The following CDC73 variants were observed in gnomAD, a reference collection of about 807,000 sequenced individuals.
CDC73 encodes parafibromin.
A neutral mutation model predicts 83.7 loss-of-function variants in CDC73; 21 were observed. The ratio of observed to expected loss-of-function variants is 0.25; its 90% CI spans 0.18 to 0.36. The LOEUF (loss-of-function observed/expected upper bound fraction) is 0.36. Among genes scored for constraint, CDC73 ranks in the 10% least tolerant of loss-of-function variants. The pLI, the probability that CDC73 is intolerant of heterozygous loss-of-function variation, is 1.00. For missense variants in CDC73, 342 were observed against 653.3 expected, an observed-to-expected ratio of 0.52 and a Z score of 5.19; for synonymous variants, 224 against 212.9, an observed-to-expected ratio of 1.05 and a Z score of -0.45.
At chr1:193,191,480 C>T (rs565037668) in intron 10 of CDC73, among the ~76,000 whole-genome samples, 3 of 152,256 alleles carry the variant, frequency 2.0e-5, no homozygotes, top group Admixed American at 2.0e-4. Flanking sequence ...TTCCACCTCC[C>T]AGTTTCAAGT....
At position 193,180,774 on chromosome 1, in the gene CDC73, G is replaced by A. The variant is rs2103158694; in HGVS notation, c.973-23021G>A. On this transcript the variant is annotated intron_variant, in intron 10 of 16. Transcript: ENST00000367435. ...GCAGATCTGGCTTCAGTAACTTATT[G>A]ATTAAATATTCAGTGTTGACAAACA... is the stretch of plus-strand genomic sequence containing the variant. 2.5e-6 allele frequency: 4 copies of A among 1,614,018 alleles called. No homozygotes were observed. The East Asian group carries it at 6.7e-5, about 27-fold the overall frequency.
At chr1:193,213,301 T>A (rs1032255757) in intron 13 of CDC73, among the ~76,000 whole-genome samples, 21 of 152,290 alleles carry the variant, frequency 1.4e-4, no homozygotes, top group African/African-American at 4.6e-4. Flanking sequence ...ATGAGCCATG[T>A]TTAAGTGATT....
Position 193,197,755 on chromosome 1 carries a change from G to A in CDC73, c.973-6040G>A, listed in dbSNP as rs374706565. ...AGCCCGGCCAACATGGTGAAACCCC[G>A]TCTCTACTAAAAATAGAAAAATTAG... is the stretch of plus-strand genomic sequence containing the variant. On this transcript the variant is annotated intron_variant, in intron 10 of 16. Coordinates refer to ENST00000367435, the MANE Select transcript of CDC73 (RefSeq NM_024529.5). Among the ~76,000 whole-genome samples, 10 of 151,754 alleles carry A rather than the reference G, an allele frequency of 6.6e-5. 1 individual carries two copies. The highest frequency in any genetic ancestry group is 1.9e-4 in the African/African-American group (8 of 41,410).
intron 10 of CDC73, among the ~76,000 whole-genome samples, chr1:193,154,366 C>G (rs1233679894): frequency 6.6e-6 from 1 of 152,142 alleles, no homozygotes; most frequent in African/African-American, 2.4e-5. Context: ...TACAGTGATG[C>G]TTTGTACAGA....
At chr1:193,180,943 T>C in intron 10 of CDC73, 1 of 1,613,580 alleles carries the variant, frequency 6.2e-7, no homozygotes, top group South Asian at 1.1e-5. Flanking sequence ...TCTGCTTTCT[T>C]CCAGTATTGC....
chr1:193,169,354 G>T (rs1416669383), intron 10 of CDC73, among the ~76,000 whole-genome samples: 1 of 152,188 alleles, frequency 6.6e-6, no homozygotes, highest in Admixed American at 6.5e-5. Context: ...AGACCAGCCT[G>T]GCCAACATGG....
At chr1:193,172,652 C>G (rs548122037) in intron 10 of CDC73, among the ~76,000 whole-genome samples, 4 of 152,232 alleles carry the variant, frequency 2.6e-5, no homozygotes, top group Non-Finnish European at 5.9e-5. Context: ...CATCACTCTT[C>G]CATTCAGACG....
At chr1:193,152,253 A>G (rs2103133505) in intron 9 of CDC73, 127 bp from the exon 10 acceptor site, 3 of 659,526 alleles carry the variant, frequency 4.5e-6, no homozygotes, top group African/African-American at 1.8e-5. Context: ...AATTTTACAT[A>G]GTAGATTCAA....
intron 1 of CDC73, among the ~76,000 whole-genome samples, chr1:193,124,177 C>A (rs1363345265): frequency 2.0e-5 from 3 of 152,338 alleles, no homozygotes; most frequent in Non-Finnish European, 2.9e-5. Flanking sequence ...AGCAGTTTAT[C>A]ACACCAAGAA....
intron 10 of CDC73, among the ~76,000 whole-genome samples, chr1:193,167,205 T>C (rs1389347595): frequency 6.6e-6 from 1 of 152,204 alleles, no homozygotes; most frequent in Non-Finnish European, 1.5e-5. Flanking sequence ...CACACATAGT[T>C]TTAACTACCA....
chr1:193,167,871 G>GT (rs1200558926), intron 10 of CDC73, among the ~76,000 whole-genome samples: 3 of 151,638 alleles, frequency 2.0e-5, no homozygotes, highest in African/African-American at 7.3e-5. Context: ...TTTTTTTGTT[G>GT]TTTTTTTGAG....
At chr1:193,127,111 A>C (rs1675590015) in intron 2 of CDC73, among the ~76,000 whole-genome samples, 1 of 152,072 alleles carries the variant, frequency 6.6e-6, no homozygotes, top group South Asian at 2.1e-4. Flanking sequence ...AAAACAAAAA[A>C]TAAAAAAAAT....
chr1:193,191,161 G>A (rs924153010), intron 10 of CDC73, among the ~76,000 whole-genome samples: 15 of 152,160 alleles, frequency 9.9e-5, no homozygotes, highest in African/African-American at 3.4e-4. Context: ...TGTACAGTGA[G>A]GGAAGCTTGT....
chr1:193,236,536 T>C (rs1024664826), intron 15 of CDC73, among the ~76,000 whole-genome samples, 180 bp downstream of exon 15: 1 of 152,242 alleles, frequency 6.6e-6, no homozygotes, highest in African/African-American at 2.4e-5. Flanking sequence ...TAATACTTTC[T>C]GTGTAGGTAT....
intron 10 of CDC73, chr1:193,181,478 C>T (rs1676715375): frequency 6.2e-7 from 1 of 1,613,940 alleles, no homozygotes. Context: ...GAAAGTACTC[C>T]AATAAGATGA....
At chr1:193,215,804 G>C (rs1305287726) in intron 13 of CDC73, among the ~76,000 whole-genome samples, 3 of 151,996 alleles carry the variant, frequency 2.0e-5, no homozygotes, top group Non-Finnish European at 2.9e-5. Context: ...TGCCCAGGCT[G>C]GTCTCGAACT....
chr1:193,188,038 A>G (rs192245593), intron 10 of CDC73, among the ~76,000 whole-genome samples: 9 of 152,286 alleles, frequency 5.9e-5, no homozygotes, highest in Admixed American at 5.9e-4. Context: ...AAAATAACTT[A>G]TTTTCCAGAA....
At position 193,250,967 on chromosome 1, in the gene CDC73, T is replaced by C; in HGVS notation, c.*255T>C. ...TTTTTCTCCATTGGTTAAATTAGCATTACTTAAAATTTGTTTCTTTAGAAA... is the reference window on the plus strand; with the variant it reads ...TTTTTCTCCATTGGTTAAATTAGCACTACTTAAAATTTGTTTCTTTAGAAA... On this transcript the variant is annotated 3_prime_UTR_variant, in exon 17 of 17. Coordinates refer to ENST00000367435, the MANE Select transcript of CDC73 (RefSeq NM_024529.5). 6.2e-6 allele frequency: 3 copies of C among 484,346 alleles called. No individual in the cohort carries two copies. The South Asian group carries it at 9.4e-5, about 15-fold the overall frequency. The allele number at this position is 484,346 out of a possible 1,614,324, so 30.0% of individuals were successfully genotyped here.
chr1:193,210,654 T>C (rs545084385), intron 11 of CDC73, among the ~76,000 whole-genome samples: 3 of 152,234 alleles, frequency 2.0e-5, no homozygotes, highest in African/African-American at 7.2e-5. Flanking sequence ...TTTGGGAGGC[T>C]GAGGTGGGAG....
Sources: gnomAD v4.1 joint callset for allele counts (sites outside exome capture counted in the v4.1 genomes callset) on GRCh38, gnomAD v4.1.1 for gene constraint, MANE v1.5 for transcripts, NCBI Gene and HGNC (gene_info 2026-07-23, HGNC 2026-07-21) for gene names.